PARD3B: variants seen among roughly 807,000 people sequenced by gnomAD.
PARD3B encodes the protein partitioning defective 3 homolog B.
PARD3B carries 103 observed loss-of-function variants against 130.2 expected under a neutral mutation model. The ratio of observed to expected loss-of-function variants is 0.79; its 90% CI spans 0.67 to 0.93. The LOEUF (loss-of-function observed/expected upper bound fraction) is 0.93. PARD3B is among the 40% of genes least tolerant of loss of function. PARD3B has a pLI of 0.00. For missense variants in PARD3B, 1,609 were observed against 1,499.2 expected (o/e 1.07, Z -1.21); for synonymous variants, 583 against 553.2 (o/e 1.05, Z -0.76).
intron 3 of PARD3B, among the ~76,000 whole-genome samples, chr2:204,970,758 T>C (rs913645807): frequency 2.6e-5 from 4 of 152,258 alleles, no homozygotes; most frequent in Non-Finnish European, 5.9e-5. Context: ...TACTTTAAAC[T>C]TGGCTGTTAC....
At position 205,584,406 on chromosome 2, in the gene PARD3B, G is replaced by A. The variant is rs966615790; in HGVS notation, c.3260+31003G>A. On this transcript the variant is annotated intron_variant, in intron 22 of 22. Coordinates refer to ENST00000406610, the MANE Select transcript of PARD3B (RefSeq NM_001302769.2). This position sits in a 1 kb window ranked among gnomAD's most constrained non-coding sequence, Gnocchi z 5.5. ...AAATTATGTATGCGAGGCCGGACAC[G>A]ATAGCTCATGCTTACAATCCCAGCA... Among the ~76,000 whole-genome samples, 3 of 152,274 alleles carry A rather than the reference G, an allele frequency of 2.0e-5. No individual in the cohort carries two copies. The highest frequency in any genetic ancestry group is 7.2e-5 in the African/African-American group (3 of 41,566).
intron 1 of PARD3B, among the ~76,000 whole-genome samples, chr2:204,546,825 C>A (rs995582558): frequency 2.9e-4 from 44 of 152,186 alleles, no homozygotes; most frequent in African/African-American, 9.9e-4. Flanking sequence ...TAGCTGAAGT[C>A]AGGAACAAGT....
At position 204,623,163 on chromosome 2, in the gene PARD3B, T is replaced by C. The variant is rs752144444; in HGVS notation, c.121-63018T>C. 1.3e-5 allele frequency among the ~76,000 whole-genome samples: 2 copies of C among 152,180 alleles called. No individual in the cohort carries two copies. Among genetic ancestry groups the C allele is most frequent in the Admixed American group, 1.3e-4 (2 of 15,260 alleles). The stretch of plus-strand genomic sequence containing the variant: ...AAAACTCTTTGTTTTGAAATAATTA[T>C]AGATTCACAGGAAATTTCAAAGATA... On this transcript the variant is annotated intron_variant, in intron 1 of 22. Transcript: ENST00000406610. This position sits in a 1 kb window ranked among gnomAD's most constrained non-coding sequence, Gnocchi z 4.5.
intron 2 of PARD3B, among the ~76,000 whole-genome samples, chr2:204,722,837 G>C (rs1254821816): frequency 6.6e-6 from 1 of 152,108 alleles, no homozygotes; most frequent in Non-Finnish European, 1.5e-5. Context: ...TATTTGAAAA[G>C]GGATGAAGGC....
rs2036635919 is a variant in PARD3B at position 204,678,058 on chromosome 2, GC to G, written c.121-8122del. On this transcript the variant is annotated intron_variant, in intron 1 of 22. Transcript: ENST00000406610. The surrounding 1 kb of genome is among the most constrained non-coding windows in gnomAD (Gnocchi z 4.2). ...AATACCTTGGAAGTATATCACACGT[GC>G]AGAAAAGTACACAAGTTAAGTATAG... is the stretch of plus-strand genomic sequence containing the variant. 6.6e-6 allele frequency among the ~76,000 whole-genome samples: 1 copy of G among 152,198 alleles called. No homozygotes were observed. The highest frequency in any genetic ancestry group is 1.5e-5 in the Non-Finnish European group (1 of 68,032).
rs181426843 is a variant in PARD3B at position 205,154,836 on chromosome 2, A to G, written c.1435-3886A>G. On this transcript the variant is annotated intron_variant, in intron 10 of 22. Coordinates refer to ENST00000406610, the MANE Select transcript of PARD3B (RefSeq NM_001302769.2). ...CCGCATGTTCTCACTCATAGGTGGG[A>G]ATTGAACAATGAGAACAGTTGGACA... is the stretch of plus-strand genomic sequence containing the variant. Among the ~76,000 whole-genome samples, 632 of 152,308 alleles carry G rather than the reference A, an allele frequency of 4.1e-3. 5 individuals carry two copies. Among genetic ancestry groups the G allele is most frequent in the African/African-American group, 0.014 (588 of 41,570 alleles).
At chr2:205,180,091 C>T (rs536024881) in intron 13 of PARD3B, among the ~76,000 whole-genome samples, 3 of 152,014 alleles carry the variant, frequency 2.0e-5, no homozygotes, top group Non-Finnish European at 4.4e-5. Context: ...TAACTATCTA[C>T]AAGTTTCCTG....
intron 22 of PARD3B, among the ~76,000 whole-genome samples, chr2:205,587,683 A>G (rs2106589382): frequency 6.6e-6 from 1 of 152,098 alleles, no homozygotes; most frequent in East Asian, 1.9e-4. Flanking sequence ...TTTGCTTTTT[A>G]TTGATTTGGA....
At chr2:204,803,667 T>C (rs114102867) in intron 2 of PARD3B, among the ~76,000 whole-genome samples, 4,825 of 152,240 alleles carry the variant, frequency 0.032, 81 homozygotes, top group Middle Eastern at 0.068. Context: ...AAGATACTAT[T>C]TTCAAGCCTC....
rs6720728 is a variant in PARD3B, at chr2:204,813,216, A to G, written c.222+126934A>G. Among the ~76,000 whole-genome samples the G allele has an allele frequency of 2.7e-3, 410 of 152,274 alleles. 1 individual carries two copies. Among genetic ancestry groups the G allele is most frequent in the African/African-American group, 9.7e-3 (403 of 41,558 alleles). On this transcript the variant is annotated intron_variant, in intron 2 of 22. Coordinates refer to ENST00000406610, the MANE Select transcript of PARD3B (RefSeq NM_001302769.2). ...ATACTTCCTCACCAAGGTTTAGTAT[A>G]GTTAATCTTTTTAATTTTAGTCATT...
chr2:204,877,767 C>T (rs1309192209), intron 2 of PARD3B, among the ~76,000 whole-genome samples: 3 of 152,148 alleles, frequency 2.0e-5, no homozygotes. Context: ...AGTAAGTTTG[C>T]AGACAGGAGA....
chr2:204,846,912 T>C (rs1247202047), intron 2 of PARD3B, among the ~76,000 whole-genome samples: 2 of 151,992 alleles, frequency 1.3e-5, no homozygotes, highest in Non-Finnish European at 2.9e-5. Context: ...TGACTGTAGA[T>C]GAAAGGAGAT....
intron 1 of PARD3B, among the ~76,000 whole-genome samples, chr2:204,676,583 T>C (rs1286960955): frequency 6.6e-6 from 1 of 151,950 alleles, no homozygotes; most frequent in African/African-American, 2.4e-5. Context: ...ATCCTTGAGA[T>C]ACGGCTATCT....
chr2:205,170,639 T>A (rs2035110089), intron 11 of PARD3B, among the ~76,000 whole-genome samples: 1 of 152,124 alleles, frequency 6.6e-6, no homozygotes, highest in Admixed American at 6.5e-5. Flanking sequence ...GCCCTCCCTT[T>A]TCTCCACTAT....
intron 4 of PARD3B, among the ~76,000 whole-genome samples, chr2:205,102,440 T>C (rs1430211638): frequency 6.6e-6 from 1 of 151,578 alleles, no homozygotes; most frequent in Non-Finnish European, 1.5e-5. Flanking sequence ...TAAGTATTTT[T>C]GTAACCCGCC....
chr2:204,979,604 G>A (rs1161440044), intron 3 of PARD3B, among the ~76,000 whole-genome samples: 1 of 152,162 alleles, frequency 6.6e-6, no homozygotes, highest in Non-Finnish European at 1.5e-5. Flanking sequence ...TGACAAGACA[G>A]TCTTGAAGAA....
rs761537176 is a variant in PARD3B, at chr2:205,525,735, A to G, written c.3180+25704A>G. Among the ~76,000 whole-genome samples, 2 of 151,996 alleles carry G rather than the reference A, an allele frequency of 1.3e-5. No individual in the cohort carries two copies. The highest frequency in any genetic ancestry group is 2.9e-5 in the Non-Finnish European group (2 of 67,982). On this transcript the variant is annotated intron_variant, in intron 21 of 22. Transcript: ENST00000406610. The surrounding 1 kb of genome is among the most constrained non-coding windows in gnomAD (Gnocchi z 4.2). Reference sequence around the variant, plus strand: ...CCTTTCTCACACTGAACTAATACTCACCCTTCATTTTGGTGACAAGTCCAG... The same window carrying G: ...CCTTTCTCACACTGAACTAATACTCGCCCTTCATTTTGGTGACAAGTCCAG...
rs189626707 is a variant in PARD3B at position 205,118,987 on chromosome 2, C to G, written c.747C>G (p.His249Gln). The change falls in exon 7 of 23, where the codon CAC becomes CAG. Residue 249 changes from histidine to glutamine, a missense_variant. Physicochemically the swap from His to Gln is conservative, Grantham distance 24 (BLOSUM62 0). Coordinates refer to ENST00000406610, the MANE Select transcript of PARD3B (RefSeq NM_001302769.2). ...NSRSKREGLFHENECIVKINN... is the reference protein window; with the variant it reads ...NSRSKREGLFQENECIVKINN... ...GGTCCAAGCGGGAGGGACTATTTCACGAAAATGAATGTATTGTAAAAATCA... is the reference window on the plus strand; with the variant it reads ...GGTCCAAGCGGGAGGGACTATTTCAGGAAAATGAATGTATTGTAAAAATCA... 2 of 1,611,426 alleles carry G rather than the reference C, an allele frequency of 1.2e-6. No individual in the cohort carries two copies. Among genetic ancestry groups the G allele is most frequent in the Non-Finnish European group, 1.7e-6 (2 of 1,178,830 alleles).
rs139911662 is a variant in PARD3B at position 204,599,167 on chromosome 2, A to G, written c.120+53048A>G. Reference sequence around the variant, plus strand: ...GGGTAATTAGTATATTCATCATCTTAAAAGTCTATCATTTCTTTTTGTTGG... The same window carrying G: ...GGGTAATTAGTATATTCATCATCTTGAAAGTCTATCATTTCTTTTTGTTGG... On this transcript the variant is annotated intron_variant, in intron 1 of 22. Transcript: ENST00000406610. 2.3e-3 allele frequency among the ~76,000 whole-genome samples: 357 copies of G among 152,058 alleles called. 2 individuals carry two copies. The highest frequency in any genetic ancestry group is 8.1e-3 in the African/African-American group (337 of 41,542).
Sources: allele counts gnomAD v4.1 joint callset (sites outside exome capture counted in the v4.1 genomes callset), GRCh38; gene constraint gnomAD v4.1.1; non-coding constraint Gnocchi (gnomAD v3.1); transcripts MANE v1.5; gene names NCBI Gene and HGNC (gene_info 2026-07-23, HGNC 2026-07-21).